Variants in WDR3 observed in about 807,000 individuals in gnomAD.
WDR3 encodes WD repeat domain 3, also known as WD repeat-containing protein 3.
WDR3 carries 81 observed loss-of-function variants against 123.7 expected under a neutral mutation model. That is an observed-to-expected ratio of 0.65 (90% CI 0.55 to 0.79). WDR3 has a LOEUF of 0.79. Among genes scored for constraint, WDR3 ranks in the 30% least tolerant of loss-of-function variants. The probability of loss-of-function intolerance (pLI) is 0.00; values close to 1 mark genes in which losing one functional copy is unlikely to be tolerated. For missense variants in WDR3, 1,027 were observed against 1,123.2 expected, an observed-to-expected ratio of 0.91 and a Z score of 1.22; for synonymous variants, 390 against 388.8, an observed-to-expected ratio of 1.00 and a Z score of -0.04.
In WDR3 at chr1:117,942,517, C is replaced by A; in HGVS notation, c.1070C>A (p.Thr357Asn). The A allele has an allele frequency of 6.2e-7, 1 of 1,613,782 alleles. No homozygotes were observed. Among genetic ancestry groups the A allele is most frequent in the Non-Finnish European group, 8.5e-7 (1 of 1,179,854 alleles). ...MSLQDEIQRV[T>N]NIKTSAKIKS... The stretch of plus-strand genomic sequence containing the variant: ...CTGCAAGATGAAATCCAGCGGGTGA[C>A]TAATATAAAAACTTCTGCCAAAATC... Residue 357 changes from threonine to asparagine, a missense_variant, in exon 10 of 27, where the codon ACT (threonine) becomes AAT (asparagine). Physicochemically the swap from Thr to Asn is moderately conservative, Grantham distance 65. Coordinates refer to ENST00000349139, the MANE Select transcript of WDR3 (RefSeq NM_006784.3).
intron 1 of WDR3, among the ~76,000 whole-genome samples, chr1:117,930,846 C>T (rs1261920785): frequency 3.9e-5 from 6 of 152,198 alleles, no homozygotes; most frequent in African/African-American, 1.4e-4. Context: ...CAATTAGCTG[C>T]TAAATGACTT....
rs1239963715 is a variant in WDR3, at chr1:117,938,465, T to C, written c.501-15T>C. On this transcript the variant is annotated splice_polypyrimidine_tract_variant and intron_variant, in intron 4 of 26. Coordinates refer to ENST00000349139, the MANE Select transcript of WDR3 (RefSeq NM_006784.3). Reference sequence around the variant, plus strand: ...CTAAACAGGCTATATATTTTTTTCCTGTTTCTTCTTTTAGTGGGAAAGATA... The same window carrying C: ...CTAAACAGGCTATATATTTTTTTCCCGTTTCTTCTTTTAGTGGGAAAGATA... The C allele has an allele frequency of 1.9e-6, 3 of 1,609,860 alleles. No homozygotes were observed. Among genetic ancestry groups the C allele is most frequent in the Admixed American group, 1.7e-5 (1 of 59,592 alleles).
At chr1:117,940,598 T>A (rs1032375438) in intron 6 of WDR3, among the ~76,000 whole-genome samples, 4 of 152,024 alleles carry the variant, frequency 2.6e-5, no homozygotes, top group Admixed American at 2.0e-4. Context: ...CACAGTGGTG[T>A]GTGCCTGTGG....
Position 117,941,950 on chromosome 1 carries a change from C to T in WDR3, c.989+103C>T, listed in dbSNP as rs2101203731. The T allele has an allele frequency of 2.8e-6, 4 of 1,434,958 alleles. No homozygotes were observed. In the South Asian group the frequency reaches 6.2e-5, roughly 22 times the overall value. 88.9% of individuals were successfully genotyped at this position (1,434,958 alleles called of 1,614,324 possible). On this transcript the variant is annotated intron_variant, in intron 9 of 26. Transcript: ENST00000349139. ...TTCATATTTACTGTCTTATCAATTA[C>T]CATTAAAAGTTAAAGAACTTGTGAG...
At chr1:117,931,841 C>T (rs187445354) in intron 1 of WDR3, among the ~76,000 whole-genome samples, 3 of 152,244 alleles carry the variant, frequency 2.0e-5, no homozygotes, top group East Asian at 3.9e-4. Context: ...TATGTTGGTT[C>T]CTGTGAGAGA....
At chr1:117,940,729 GACAACAACA>G (rs529621497) in intron 6 of WDR3, 89 bp from the exon 7 acceptor site, 32 of 1,114,138 alleles carry the variant, frequency 2.9e-5, no homozygotes, top group Admixed American at 8.5e-5. Flanking sequence ...CTCTGTCTCC[GACAACAACA>G]ACAACAACAA....
Position 117,964,982 on chromosome 1 carries a change from C to G in WDR3, c.*5535C>G, listed in dbSNP as rs1017659186. On this transcript the variant is annotated 3_prime_UTR_variant, in exon 27 of 27. Coordinates refer to ENST00000349139, the MANE Select transcript of WDR3 (RefSeq NM_006784.3). ...ATATTTTTAATATATATCTTCTGCT[C>G]CACTCTCTTCAGCCTACAAACATGT... 6.6e-6 allele frequency: 1 copy of G among 152,116 alleles called. No homozygotes were observed. Among genetic ancestry groups the G allele is most frequent in the African/African-American group, 2.4e-5 (1 of 41,422 alleles). 9.4% of individuals were successfully genotyped at this position (152,116 alleles called of 1,614,324 possible).
chr1:117,954,772 T>C, intron 23 of WDR3, 145 bp downstream of exon 23: 1 of 901,870 alleles, frequency 1.1e-6, no homozygotes, highest in East Asian at 2.6e-5. Context: ...TGGCATTCTC[T>C]AGGATATTTT....
At chr1:117,940,632 G>T (rs1651109817) in intron 6 of WDR3, among the ~76,000 whole-genome samples, 195 bp from the exon 7 acceptor site, 1 of 152,144 alleles carries the variant, frequency 6.6e-6, no homozygotes, top group African/African-American at 2.4e-5. Flanking sequence ...GGAGGCTGAG[G>T]TGGGAGGATG....
chr1:117,931,565 T>C (rs527864962), intron 1 of WDR3, among the ~76,000 whole-genome samples: 1 of 152,264 alleles, frequency 6.6e-6, no homozygotes, highest in Non-Finnish European at 1.5e-5. Context: ...GTTCAGTAAA[T>C]ATTGGAAACT....
At chr1:117,955,622 C>T (rs1445153337) in intron 24 of WDR3, among the ~76,000 whole-genome samples, 2 of 152,000 alleles carry the variant, frequency 1.3e-5, no homozygotes, top group African/African-American at 2.4e-5. Context: ...ATATATAATT[C>T]AATTAGAAGC....
Position 117,933,494 on chromosome 1 carries a change from A to G in WDR3, c.171+4A>G. On this transcript the variant is annotated splice_donor_region_variant and intron_variant, in intron 2 of 26. Coordinates refer to ENST00000349139, the MANE Select transcript of WDR3 (RefSeq NM_006784.3). ...GGACTTAAGGAAAGGAGAGAAGGTG[A>G]GCCTAAAATGACCAGTTTGATACTG... The G allele has an allele frequency of 6.2e-7, 1 of 1,614,086 alleles. No individual in the cohort carries two copies. Among genetic ancestry groups the G allele is most frequent in the Non-Finnish European group, 8.5e-7 (1 of 1,179,964 alleles).
At chr1:117,942,624 C>T in intron 10 of WDR3, 80 bp downstream of exon 10, 14 of 1,271,790 alleles carry the variant, frequency 1.1e-5, no homozygotes, top group Non-Finnish European at 1.6e-5. Flanking sequence ...TATTTGTAAG[C>T]TGTCTGTATG....
intron 3 of WDR3, among the ~76,000 whole-genome samples, chr1:117,935,318 C>T (rs939965837): frequency 1.3e-5 from 2 of 151,942 alleles, no homozygotes; most frequent in Admixed American, 6.5e-5. Context: ...TTACTTAGAA[C>T]TTGACCTAAT....
intron 1 of WDR3, among the ~76,000 whole-genome samples, chr1:117,932,754 G>A (rs1168053751): frequency 2.6e-5 from 4 of 152,158 alleles, no homozygotes; most frequent in African/African-American, 4.8e-5. Context: ...GCATGACAAC[G>A]TGACTAATTT....
chr1:117,930,203 GGAA>G (rs1650655994), intron 1 of WDR3, among the ~76,000 whole-genome samples: 2 of 152,212 alleles, frequency 1.3e-5, no homozygotes, highest in South Asian at 2.1e-4. Flanking sequence ...ATGGGGTCTC[GGAA>G]GAAGGTTTGG....
intron 1 of WDR3, among the ~76,000 whole-genome samples, chr1:117,932,612 A>G (rs963182285): frequency 1.3e-5 from 2 of 152,184 alleles, no homozygotes; most frequent in African/African-American, 4.8e-5. Flanking sequence ...GGTTTTCAAT[A>G]GATATTCATT....
chr1:117,938,661 A>G (rs1651029157), intron 5 of WDR3, 103 bp downstream of exon 5: 2 of 972,278 alleles, frequency 2.1e-6, no homozygotes, highest in African/African-American at 1.6e-5. Context: ...TAGTGCACAC[A>G]GTAATTATCA....
intron 6 of WDR3, 68 bp downstream of exon 6, chr1:117,939,640 G>A: frequency 6.8e-7 from 1 of 1,478,096 alleles, no homozygotes; most frequent in Non-Finnish European, 9.4e-7. Context: ...TTTAGAATCA[G>A]ATGTAATTAT....
Sources: gnomAD v4.1 joint callset for allele counts (sites outside exome capture counted in the v4.1 genomes callset) on GRCh38, gnomAD v4.1.1 for gene constraint, MANE v1.5 for transcripts, NCBI Gene and HGNC (gene_info 2026-07-23, HGNC 2026-07-21) for gene names.